SNX29: variants seen among roughly 807,000 people sequenced by gnomAD.
The protein encoded by SNX29 is sorting nexin-29.
SNX29 carries 78 observed loss-of-function variants against 102.1 expected under a neutral mutation model. That is an observed-to-expected ratio of 0.76 (90% CI 0.64 to 0.92). The LOEUF (loss-of-function observed/expected upper bound fraction) is 0.92. Ranked by LOEUF, SNX29 falls within the 40% of genes least tolerant of loss-of-function variation. SNX29 has a pLI of 0.00. For synonymous variants in SNX29, 580 were observed against 414.5 expected (o/e 1.40, Z -4.85); for missense variants, 1,280 against 1,061.7 (o/e 1.21, Z -2.86).
intron 1 of SNX29, among the ~76,000 whole-genome samples, chr16:11,985,478 C>T (rs1308627050): frequency 1.3e-5 from 2 of 152,164 alleles, no homozygotes; most frequent in East Asian, 1.9e-4. Flanking sequence ...GCTGGATCCA[C>T]GTGTTAAAGG....
chr16:12,336,451 C>G (rs1488579221), intron 15 of SNX29, among the ~76,000 whole-genome samples: 1 of 152,230 alleles, frequency 6.6e-6, no homozygotes, highest in Non-Finnish European at 1.5e-5. Context: ...GCACGTTTCA[C>G]TGGATGGTTT....
intron 9 of SNX29, among the ~76,000 whole-genome samples, chr16:12,066,610 C>T (rs910710628): frequency 3.3e-5 from 5 of 151,974 alleles, no homozygotes; most frequent in African/African-American, 7.3e-5. Context: ...CCAGATGTGC[C>T]GAGGGTGACA....
chr16:12,213,297 T>C (rs1237686666), intron 14 of SNX29, among the ~76,000 whole-genome samples: 1 of 152,042 alleles, frequency 6.6e-6, no homozygotes, highest in Non-Finnish European at 1.5e-5. Flanking sequence ...CAGGGGCATA[T>C]AGAGAAACAT....
chr16:12,479,108 A>G (rs775546314), intron 19 of SNX29, among the ~76,000 whole-genome samples: 2 of 152,186 alleles, frequency 1.3e-5, no homozygotes, highest in African/African-American at 4.8e-5. Context: ...AGAAATGCAC[A>G]TTCTTGGGCT....
chr16:12,074,752 T>C (rs889328905), intron 10 of SNX29, among the ~76,000 whole-genome samples: 3 of 152,190 alleles, frequency 2.0e-5, no homozygotes, highest in Non-Finnish European at 4.4e-5. Flanking sequence ...TAATATCCTG[T>C]AGAGTGTTTT....
At chr16:12,286,170 A>G (rs935044665) in intron 15 of SNX29, among the ~76,000 whole-genome samples, 3 of 151,438 alleles carry the variant, frequency 2.0e-5, no homozygotes, top group African/African-American at 7.3e-5. Flanking sequence ...AATCACATGA[A>G]GCTGAGTGGA....
rs2049951066 is a variant in SNX29, at chr16:12,043,082, G to A, written c.428+5G>A. On this transcript the variant is annotated splice_donor_5th_base_variant and intron_variant, in intron 5 of 20. Coordinates refer to ENST00000566228, the MANE Select transcript of SNX29 (RefSeq NM_032167.5). Reference sequence around the variant, plus strand: ...GGCCGACCGCTGCAGGCTGAGGTACGTGGCCGGGATGCGAACTGGGATGGG... The same window carrying A: ...GGCCGACCGCTGCAGGCTGAGGTACATGGCCGGGATGCGAACTGGGATGGG... The A allele has an allele frequency of 2.5e-6, 4 of 1,612,814 alleles. No homozygotes were observed. Among genetic ancestry groups the A allele is most frequent in the African/African-American group, 2.7e-5 (2 of 74,912 alleles).
chr16:12,519,348 A>C (rs533797905), intron 19 of SNX29, among the ~76,000 whole-genome samples: 2 of 152,346 alleles, frequency 1.3e-5, no homozygotes, highest in Admixed American at 1.3e-4. Flanking sequence ...AACCTATTAA[A>C]GAATGGATAA....
intron 14 of SNX29, among the ~76,000 whole-genome samples, chr16:12,238,248 T>A (rs2077995821): frequency 6.6e-6 from 1 of 151,378 alleles, no homozygotes; most frequent in South Asian, 2.1e-4. Flanking sequence ...GGGAGGAAAT[T>A]AAGGGGTAAG....
intron 3 of SNX29, among the ~76,000 whole-genome samples, chr16:12,019,458 G>A (rs2056950285): frequency 6.6e-6 from 1 of 151,896 alleles, no homozygotes; most frequent in African/African-American, 2.4e-5. Flanking sequence ...GCCCGCCTCG[G>A]CCTCCCAAAG....
chr16:12,435,471 C>G (rs1419550400), intron 18 of SNX29, among the ~76,000 whole-genome samples: 1 of 152,148 alleles, frequency 6.6e-6, no homozygotes, highest in African/African-American at 2.4e-5. Flanking sequence ...GGGTACGAGG[C>G]TCTGAGAACC....
intron 20 of SNX29, among the ~76,000 whole-genome samples, chr16:12,542,250 A>G (rs1540278): frequency 8.2e-5 from 12 of 145,462 alleles, no homozygotes; most frequent in East Asian, 2.0e-4. Context: ...TATTCCCTTT[A>G]TAGATGAGGA....
intron 18 of SNX29, chr16:12,443,387 TTTC>T (rs2085898224): frequency 1.2e-5 from 2 of 161,074 alleles, no homozygotes; most frequent in African/African-American, 4.8e-5. Context: ...TGTTTTACCT[TTTC>T]TTCTGGAAAA....
At position 12,570,222 on chromosome 16, in the gene SNX29, A is replaced by G; in HGVS notation, c.*1593A>G. On this transcript the variant is annotated 3_prime_UTR_variant, in exon 21 of 21. Coordinates refer to ENST00000566228, the MANE Select transcript of SNX29 (RefSeq NM_032167.5). Reference sequence around the variant, plus strand: ...TTCCAAGGGGACCTGGGGCCAGATAAGCCCTGCCCCGGTGAGACCAAATGA... The same window carrying G: ...TTCCAAGGGGACCTGGGGCCAGATAGGCCCTGCCCCGGTGAGACCAAATGA... 3.8e-6 allele frequency: 4 copies of G among 1,065,176 alleles called. No individual in the cohort carries two copies. Among genetic ancestry groups the G allele is most frequent in the Non-Finnish European group, 3.4e-6 (3 of 879,194 alleles). The allele number at this position is 1,065,176 out of a possible 1,614,324, so 66.0% of individuals were successfully genotyped here.
At chr16:12,515,482 C>G in intron 19 of SNX29, 1 of 484,926 alleles carries the variant, frequency 2.1e-6, no homozygotes, top group Non-Finnish European at 4.1e-6. Flanking sequence ...AGAACTGAAA[C>G]CCATTCGCTT....
At chr16:12,233,918 G>C (rs183789162) in intron 14 of SNX29, among the ~76,000 whole-genome samples, 6 of 152,258 alleles carry the variant, frequency 3.9e-5, no homozygotes, top group African/African-American at 1.4e-4. Context: ...TATCTACATT[G>C]TAGCATGTAT....
intron 20 of SNX29, among the ~76,000 whole-genome samples, chr16:12,543,968 A>G (rs927870390): frequency 1.3e-5 from 2 of 152,162 alleles, no homozygotes; most frequent in African/African-American, 4.8e-5. Context: ...GCTGGGAGAA[A>G]TGGTCTCAGC....
chr16:11,976,743 T>G lies in SNX29; in HGVS notation c.-64T>G. 1 of 1,218,116 alleles carries G rather than the reference T, an allele frequency of 8.2e-7. No homozygotes were observed. Among genetic ancestry groups the G allele is most frequent in the Non-Finnish European group, 1.1e-6 (1 of 951,940 alleles). 75.5% of individuals were successfully genotyped at this position (1,218,116 alleles called of 1,614,324 possible). On this transcript the variant is annotated 5_prime_UTR_variant, in exon 1 of 21. Transcript: ENST00000566228. Reference sequence around the variant, plus strand: ...TCCTGTCTCCCGGCCTGTCTGGAGCTCGGCAGCCGCAGAAGCGGCAGCGGC... The same window carrying G: ...TCCTGTCTCCCGGCCTGTCTGGAGCGCGGCAGCCGCAGAAGCGGCAGCGGC...
In SNX29 at chr16:12,507,794, C is replaced by T. The variant is rs182944728; in HGVS notation, c.2179-16908C>T. Among the ~76,000 whole-genome samples the T allele has an allele frequency of 2.6e-3, 389 of 152,282 alleles. 1 individual carries two copies. Among genetic ancestry groups the T allele is most frequent in the Non-Finnish European group, 4.4e-3 (299 of 68,022 alleles). On this transcript the variant is annotated intron_variant, in intron 19 of 20. Transcript: ENST00000566228. ...CTTTACCTTCCCTCCCTCCCCTTAT[C>T]CATGTGGTTTGCATTAAACTCAAAG...
Sources: gnomAD v4.1 joint callset for allele counts (sites outside exome capture counted in the v4.1 genomes callset) on GRCh38, gnomAD v4.1.1 for gene constraint, MANE v1.5 for transcripts, NCBI Gene and HGNC (gene_info 2026-07-23, HGNC 2026-07-21) for gene names.